Variants in RANBP2 observed in about 807,000 individuals in gnomAD.
RANBP2 encodes E3 SUMO-protein ligase RanBP2.
In RANBP2, 57 loss-of-function variants were observed where a neutral mutation model predicts 303.6. That is an observed-to-expected ratio of 0.19 (90% CI 0.15 to 0.23). The LOEUF (loss-of-function observed/expected upper bound fraction) is 0.23. Among genes scored for constraint, RANBP2 ranks in the 10% least tolerant of loss-of-function variants. The pLI is 1.00. For missense variants in RANBP2, 3,138 were observed against 3,780.8 expected (o/e 0.83, Z 4.46); for synonymous variants, 1,167 against 1,301.5 (o/e 0.90, Z 2.23).
At position 108,764,678 on chromosome 2, in the gene RANBP2, C is replaced by G. The variant is rs764217841; in HGVS notation, c.4139C>G (p.Pro1380Arg). The change falls in exon 20 of 29, where the codon CCA becomes CGA. Residue 1380 changes from proline (P) to arginine (R), a missense_variant. By Grantham distance (103) the Pro-to-Arg change is moderately radical. Around this residue, in one of 20 missense-constraint regions of RANBP2, gnomAD observed 388 missense variants for 328.5 expected, o/e 1.18. Coordinates refer to ENST00000283195, the MANE Select transcript of RANBP2 (RefSeq NM_006267.5). The part of the protein sequence containing the change: ...KKCVSCQNLN[P>R]SNKELVGPPL... ...TGTGTATCATGCCAAAATCTAAACC[C>G]AAGCAATAAAGAGCTCGTTGGCCCA... 25 of 1,613,876 alleles carry G rather than the reference C, an allele frequency of 1.5e-5. No individual in the cohort carries two copies. The highest frequency in any genetic ancestry group is 2.0e-5 in the Non-Finnish European group (24 of 1,179,970).
the RANBP2 span, among the ~76,000 whole-genome samples, chr2:109,055,812 G>C: frequency 0.012 from 1,691 of 146,802 alleles, 33 homozygotes; most frequent in African/African-American, 0.041. Context: ...CTAGGCTGGA[G>C]TGCAGTGGCG....
chr2:109,737,340 C>CGG, the RANBP2 span: 1 of 689,324 alleles, frequency 1.5e-6, no homozygotes, highest in East Asian at 2.7e-5. Flanking sequence ...TTTTGACGGT[C>CGG]ACCACCCCTT....
the RANBP2 span, among the ~76,000 whole-genome samples, chr2:109,559,661 GAT>G: frequency 6.6e-6 from 1 of 152,116 alleles, no homozygotes; most frequent in African/African-American, 2.4e-5. Flanking sequence ...TCCCCCATGG[GAT>G]ACAGTCTTGT....
the RANBP2 span, chr2:109,347,629 G>T: frequency 1.3e-6 from 2 of 1,592,612 alleles, no homozygotes. Flanking sequence ...GTGGGGCATT[G>T]GGAAGGGGCA....
At chr2:108,943,522 A>G in the RANBP2 span, among the ~76,000 whole-genome samples, 2 of 152,226 alleles carry the variant, frequency 1.3e-5, no homozygotes, top group African/African-American at 4.8e-5. Context: ...ACTTTTTGAA[A>G]AAGAGATTGC....
intron 19 of RANBP2, among the ~76,000 whole-genome samples, chr2:108,762,816 T>TCAC (rs1355629247): frequency 5.3e-5 from 8 of 152,240 alleles, no homozygotes; most frequent in Admixed American, 1.3e-4. Flanking sequence ...ATCATCATCA[T>TCAC]CATCATCATC....
At chr2:109,553,038 T>C in the RANBP2 span, 2 of 1,587,014 alleles carry the variant, frequency 1.3e-6, no homozygotes, top group South Asian at 1.2e-5. Flanking sequence ...TCCAAATTAA[T>C]AGGACATCTA....
At chr2:109,158,962 A>G in the RANBP2 span, among the ~76,000 whole-genome samples, 1 of 152,168 alleles carries the variant, frequency 6.6e-6, no homozygotes, top group Non-Finnish European at 1.5e-5. Flanking sequence ...CTAAAAATAC[A>G]AAAAATTAGC....
At chr2:109,027,257 A>AC in the RANBP2 span, among the ~76,000 whole-genome samples, 8 of 150,592 alleles carry the variant, frequency 5.3e-5, no homozygotes, top group Admixed American at 3.3e-4. Flanking sequence ...AAAAAAAAAA[A>AC]AAAAAAACAA....
the RANBP2 span, among the ~76,000 whole-genome samples, chr2:109,522,946 AG>A: frequency 6.6e-6 from 1 of 152,232 alleles, no homozygotes; most frequent in Admixed American, 6.5e-5. Flanking sequence ...AGTTCCACTT[AG>A]GAATTGTAGA....
At chr2:108,989,817 G>GC in the RANBP2 span, among the ~76,000 whole-genome samples, 1 of 151,534 alleles carries the variant, frequency 6.6e-6, no homozygotes, top group Non-Finnish European at 1.5e-5. Flanking sequence ...TAAATGATTG[G>GC]GGGGGGGAAA....
At chr2:109,312,378 C>T in the RANBP2 span, among the ~76,000 whole-genome samples, 3 of 152,114 alleles carry the variant, frequency 2.0e-5, no homozygotes, top group Non-Finnish European at 2.9e-5. Flanking sequence ...ATACTTATAA[C>T]ATGAAAGTCA....
At chr2:109,603,494 C>T in the RANBP2 span, among the ~76,000 whole-genome samples, 3 of 152,066 alleles carry the variant, frequency 2.0e-5, no homozygotes, top group Admixed American at 2.0e-4. Flanking sequence ...CTGCCTCAGC[C>T]TCCCAAAGAG....
intron 4 of RANBP2, among the ~76,000 whole-genome samples, chr2:108,733,611 A>G (rs2439155): frequency 3.3e-5 from 5 of 152,154 alleles, no homozygotes; most frequent in African/African-American, 4.8e-5. Context: ...TTAAATATTA[A>G]TCTAAAACGT....
At chr2:109,395,645 C>A in the RANBP2 span, among the ~76,000 whole-genome samples, 11 of 152,354 alleles carry the variant, frequency 7.2e-5, no homozygotes, top group Non-Finnish European at 1.3e-4. Flanking sequence ...CACTCTCTGT[C>A]TCCGCCGTGA....
chr2:108,771,289 AAT>A (rs1358307136), intron 20 of RANBP2, among the ~76,000 whole-genome samples: 71 of 151,848 alleles, frequency 4.7e-4, no homozygotes, highest in Admixed American at 4.7e-3. Context: ...TATGTATAGT[AAT>A]ACTTGCCTAT....
At chr2:109,418,961 A>C in the RANBP2 span, among the ~76,000 whole-genome samples, 1 of 152,070 alleles carries the variant, frequency 6.6e-6, no homozygotes, top group Non-Finnish European at 1.5e-5. Flanking sequence ...CAGAGAGCAC[A>C]GCGCACCCCT....
chr2:108,760,784 C>T (rs1676677529), intron 18 of RANBP2, among the ~76,000 whole-genome samples: 1 of 152,122 alleles, frequency 6.6e-6, no homozygotes, highest in Admixed American at 6.5e-5. Context: ...TGTATATCAA[C>T]ATGAATGTTA....
chr2:109,342,418 A>G, the RANBP2 span, among the ~76,000 whole-genome samples: 3 of 152,214 alleles, frequency 2.0e-5, no homozygotes, highest in African/African-American at 4.8e-5. Flanking sequence ...AGCATCCAAC[A>G]GTGAGCAAAA....
Sources: allele counts gnomAD v4.1 joint callset (sites outside exome capture counted in the v4.1 genomes callset), GRCh38; gene constraint gnomAD v4.1.1; regional missense constraint gnomAD v4.1.1; transcripts MANE v1.5; gene names NCBI Gene and HGNC (gene_info 2026-07-23, HGNC 2026-07-21).